The following CBR4 variants were observed in gnomAD, a reference collection of about 807,000 sequenced individuals.
The protein encoded by CBR4 is carbonyl reductase 4, also known as 3-oxoacyl-[acyl-carrier-protein] reductase.
Under a neutral mutation model 21.0 loss-of-function variants are expected in CBR4, and 22 were observed. That is an observed-to-expected ratio of 1.05 (90% CI 0.75 to 1.50). The LOEUF is 1.50. Among genes scored for constraint, CBR4 ranks in the 40% most tolerant of loss-of-function variants. The pLI is 0.00. For missense variants in CBR4, 302 were observed against 286.3 expected (o/e 1.05, Z -0.40); for synonymous variants, 100 against 104.4 (o/e 0.96, Z 0.26).
intron 2 of CBR4, among the ~76,000 whole-genome samples, chr4:168,969,536 AAAC>A (rs1764141228): frequency 6.6e-6 from 1 of 152,188 alleles, no homozygotes; most frequent in Admixed American, 6.5e-5. Context: ...GCTGGTCAGA[AAAC>A]AGCAGCAGAA....
At chr4:168,983,838 G>A (rs1764610297), downstream of CBR4, among the ~76,000 whole-genome samples, 1 of 151,922 alleles carries the variant, frequency 6.6e-6, no homozygotes, top group Admixed American at 6.6e-5. Flanking sequence ...CAGAGAAAAG[G>A]CTTTAGGTAA....
intron 2 of CBR4, among the ~76,000 whole-genome samples, chr4:168,921,069 A>C (rs1416418193): frequency 6.6e-6 from 1 of 152,080 alleles, no homozygotes; most frequent in Non-Finnish European, 1.5e-5. Flanking sequence ...CCAAAGTTTA[A>C]AGCAAAAGTT....
chr4:168,902,394 C>T (rs942452559), intron 2 of CBR4, among the ~76,000 whole-genome samples: 2 of 152,156 alleles, frequency 1.3e-5, no homozygotes, highest in African/African-American at 4.8e-5. Context: ...ATTAATTCAG[C>T]ATCTCAGCCA....
chr4:169,009,832 C>G, intron 1 of CBR4, 116 bp downstream of exon 1: 1 of 957,730 alleles, frequency 1.0e-6, no homozygotes, highest in Non-Finnish European at 1.5e-6. Context: ...CTGCACGCGG[C>G]TACATCGAGT....
intron 2 of CBR4, among the ~76,000 whole-genome samples, chr4:168,971,079 A>T (rs905141186): frequency 2.6e-5 from 4 of 152,200 alleles, no homozygotes; most frequent in Non-Finnish European, 5.9e-5. Context: ...ACTAGTTTAC[A>T]TTCCCACCAG....
intron 1 of CBR4, chr4:169,008,989 C>A (rs981766421): frequency 6.6e-6 from 3 of 452,258 alleles, no homozygotes; most frequent in African/African-American, 2.1e-5. Flanking sequence ...GAGACTGAGG[C>A]GAGAAGATCT....
At chr4:168,970,697 C>T (rs1669236730) in intron 2 of CBR4, among the ~76,000 whole-genome samples, 1 of 152,072 alleles carries the variant, frequency 6.6e-6, no homozygotes, top group Non-Finnish European at 1.5e-5. Flanking sequence ...CCTTTGCTCC[C>T]ACTCATAAGT....
chr4:169,004,642 C>G (rs1263478886), intron 3 of CBR4, among the ~76,000 whole-genome samples: 1 of 152,180 alleles, frequency 6.6e-6, no homozygotes, highest in Non-Finnish European at 1.5e-5. Context: ...GAGATTGCAG[C>G]AATTCAATTT....
intron 2 of CBR4, chr4:168,894,825 CAGCTAATTTTTATTGAGCACAT>C: frequency 1.5e-6 from 2 of 1,345,984 alleles, no homozygotes; most frequent in Non-Finnish European, 2.0e-6. Flanking sequence ...GTCAACCTCA[CAGCTAATTTTTATTGAGCACAT>C]ACTATGTTAA....
intron 2 of CBR4, among the ~76,000 whole-genome samples, chr4:168,932,166 A>G (rs1405339225): frequency 6.6e-6 from 1 of 152,172 alleles, no homozygotes; most frequent in South Asian, 2.1e-4. Flanking sequence ...CAGTGAGGTA[A>G]AGAGAATATA....
chr4:168,978,611 CT>C, intron 2 of CBR4, among the ~76,000 whole-genome samples: 1 of 152,318 alleles, frequency 6.6e-6, no homozygotes, highest in Non-Finnish European at 1.5e-5. Flanking sequence ...GAGACCTCCC[CT>C]GACCCCCTTC....
intron 2 of CBR4, among the ~76,000 whole-genome samples, chr4:168,941,955 T>G (rs1763275935): frequency 6.6e-6 from 1 of 152,170 alleles, no homozygotes; most frequent in Admixed American, 6.6e-5. Flanking sequence ...CAGCCGTATT[T>G]ACAGTAGCAA....
chr4:168,914,446 A>G (rs774722922), intron 2 of CBR4, among the ~76,000 whole-genome samples: 2 of 152,122 alleles, frequency 1.3e-5, no homozygotes, highest in Non-Finnish European at 2.9e-5. Context: ...GTTAATGTTC[A>G]TTTTTCAGCC....
intron 2 of CBR4, among the ~76,000 whole-genome samples, chr4:168,967,091 G>C (rs531822688): frequency 6.6e-6 from 1 of 151,662 alleles, no homozygotes; most frequent in East Asian, 1.9e-4. Context: ...CAGTAGCAAA[G>C]ACTTGGACCC....
chr4:169,006,137 G>A lies in CBR4; in HGVS notation c.400+618C>T, dbSNP rs115740497. ...TATCTTCCTTTAAACCTCTACACAA[G>A]ATTTAACAGTAACCCATGAAACTGC... is the stretch of plus-strand genomic sequence containing the variant. On this transcript the variant is annotated intron_variant, in intron 3 of 4. Transcript: ENST00000306193. Among the ~76,000 whole-genome samples the A allele has an allele frequency of 8.9e-3, 1,350 of 152,170 alleles. 18 individuals are homozygous for A. The highest frequency in any genetic ancestry group is 0.031 in the African/African-American group (1,268 of 41,500).
At chr4:169,005,816 A>C in intron 3 of CBR4, 2 of 1,135,552 alleles carry the variant, frequency 1.8e-6, no homozygotes, top group Non-Finnish European at 2.4e-6. Flanking sequence ...TCTCACTTTC[A>C]AAACAGAAAA....
At chr4:168,981,129 GT>G (rs1165435875) in intron 2 of CBR4, among the ~76,000 whole-genome samples, 2 of 152,182 alleles carry the variant, frequency 1.3e-5, no homozygotes, top group Admixed American at 1.3e-4. Context: ...GCCAGGCGTG[GT>G]GGCTCGCACC....
chr4:168,966,354 TACA>T (rs1255151167), intron 2 of CBR4, among the ~76,000 whole-genome samples: 2 of 9,292 alleles, frequency 2.2e-4, no homozygotes, highest in African/African-American at 5.8e-4. Flanking sequence ...CTACTAAAAA[TACA>T]AAAAAAAAAA....
downstream of CBR4, among the ~76,000 whole-genome samples, chr4:168,985,350 A>C (rs572283669): frequency 6.6e-6 from 1 of 152,354 alleles, no homozygotes; most frequent in African/African-American, 2.4e-5. Context: ...ATACCATCTC[A>C]CGCCACTCAG....
Sources: allele counts gnomAD v4.1 joint callset (sites outside exome capture counted in the v4.1 genomes callset), GRCh38; gene constraint gnomAD v4.1.1; transcripts MANE v1.5; gene names NCBI Gene and HGNC (gene_info 2026-07-23, HGNC 2026-07-21).